RFX6: variants seen among roughly 807,000 people sequenced by gnomAD.
The protein encoded by RFX6 is DNA-binding protein RFX6.
RFX6 carries 50 observed loss-of-function variants against 110.8 expected under a neutral mutation model. That is an observed-to-expected ratio of 0.45 (90% CI 0.36 to 0.57). The LOEUF (loss-of-function observed/expected upper bound fraction) is 0.57, where lower values mean the gene tolerates loss of function less well. Among genes scored for constraint, RFX6 ranks in the 20% least tolerant of loss-of-function variants. RFX6 has a pLI of 0.00. For synonymous variants in RFX6, 383 were observed against 411.2 expected (o/e 0.93, Z 0.83); for missense variants, 990 against 1,127.0 (o/e 0.88, Z 1.74).
chr6:116,892,294 GCTC>G (rs1446180192), intron 4 of RFX6, among the ~76,000 whole-genome samples: 4 of 152,204 alleles, frequency 2.6e-5, no homozygotes, highest in African/African-American at 9.6e-5. Context: ...ACTTTGGGGG[GCTC>G]ATTCTGGCTG....
chr6:116,916,433 T>C, intron 9 of RFX6, 119 bp downstream of exon 9: 1 of 715,724 alleles, frequency 1.4e-6, no homozygotes, highest in Non-Finnish European at 2.5e-6. Context: ...TACACTGTCT[T>C]TTTTTTTGAT....
At chr6:116,906,396 G>GA (rs1241190360) in intron 6 of RFX6, among the ~76,000 whole-genome samples, 1 of 151,992 alleles carries the variant, frequency 6.6e-6, no homozygotes, top group Admixed American at 6.5e-5. Context: ...TTCTTTTTCT[G>GA]AAAAAACTGT....
intron 17 of RFX6, among the ~76,000 whole-genome samples, chr6:116,927,808 A>T (rs1775782110): frequency 7.1e-6 from 1 of 140,148 alleles, no homozygotes; most frequent in South Asian, 2.3e-4. Flanking sequence ...GCTTGGCAGG[A>T]TCATGATTCA....
intron 3 of RFX6, among the ~76,000 whole-genome samples, chr6:116,881,521 T>C (rs575013050): frequency 5.9e-5 from 9 of 152,192 alleles, no homozygotes; most frequent in African/African-American, 2.2e-4. Flanking sequence ...GAGTGTGATA[T>C]TATACATTGT....
chr6:116,920,803 G>A (rs1775579431), intron 12 of RFX6, among the ~76,000 whole-genome samples: 1 of 152,110 alleles, frequency 6.6e-6, no homozygotes, highest in South Asian at 2.1e-4. Context: ...AAAGTCATCT[G>A]TAATTTCATT....
chr6:116,911,435 C>T (rs1775348970), intron 7 of RFX6, among the ~76,000 whole-genome samples: 1 of 152,096 alleles, frequency 6.6e-6, no homozygotes, highest in African/African-American at 2.4e-5. Context: ...GAATCTGTCC[C>T]TAGCACTGAG....
intron 6 of RFX6, among the ~76,000 whole-genome samples, chr6:116,905,853 T>A (rs961580920): frequency 6.6e-6 from 1 of 152,214 alleles, no homozygotes; most frequent in African/African-American, 2.4e-5. Context: ...CTATTTTTTT[T>A]ATGAAGTACA....
intron 14 of RFX6, chr6:116,923,476 G>C: frequency 2.0e-6 from 1 of 496,072 alleles, no homozygotes; most frequent in Non-Finnish European, 3.7e-6. Context: ...TATTCTCTTC[G>C]AAGGGTTGTA....
At position 116,916,331 on chromosome 6, in the gene RFX6, G is replaced by A; in HGVS notation, c.972+17G>A. ...CTTTATAAGGTAAGCACTTTGGGATGTCTTAAACATGAGCCATTTATTTCT... is the reference window on the plus strand; with the variant it reads ...CTTTATAAGGTAAGCACTTTGGGATATCTTAAACATGAGCCATTTATTTCT... On this transcript the variant is annotated intron_variant, in intron 9 of 18. Coordinates refer to ENST00000332958, the MANE Select transcript of RFX6 (RefSeq NM_173560.4). 7.1e-7 allele frequency: 1 copy of A among 1,412,054 alleles called. No homozygotes were observed. The highest frequency in any genetic ancestry group is 1.0e-6 in the Non-Finnish European group (1 of 997,336). 87.5% of individuals were successfully genotyped at this position (1,412,054 alleles called of 1,614,324 possible). A position where few individuals can be genotyped will look rare whatever the true frequency, so the allele number is the denominator to read the frequency against.
At chr6:116,894,800 A>G (rs1562136458) in intron 5 of RFX6, among the ~76,000 whole-genome samples, 2 of 152,106 alleles carry the variant, frequency 1.3e-5, no homozygotes, top group Non-Finnish European at 2.9e-5. Context: ...TCTTGTGGAA[A>G]AAAAAAGTTT....
At chr6:116,891,797 T>C (rs1274648356) in intron 4 of RFX6, among the ~76,000 whole-genome samples, 1 of 152,206 alleles carries the variant, frequency 6.6e-6, no homozygotes. Context: ...CTTTATGACT[T>C]AAGTAAGCTT....
At chr6:116,926,311 A>C (rs1249537888) in intron 16 of RFX6, among the ~76,000 whole-genome samples, 1 of 152,158 alleles carries the variant, frequency 6.6e-6, no homozygotes, top group Non-Finnish European at 1.5e-5. Context: ...AACAAACAAA[A>C]AAACTGGATT....
chr6:116,899,430 T>C (rs1775020383), intron 6 of RFX6, among the ~76,000 whole-genome samples: 1 of 152,072 alleles, frequency 6.6e-6, no homozygotes, highest in African/African-American at 2.4e-5. Context: ...CTGCCACATA[T>C]CAAAATATTA....
intron 4 of RFX6, among the ~76,000 whole-genome samples, chr6:116,889,898 G>A (rs1022846438): frequency 6.6e-6 from 1 of 151,962 alleles, no homozygotes; most frequent in African/African-American, 2.4e-5. Flanking sequence ...TCTAATAAAT[G>A]TTTATTAATT....
intron 3 of RFX6, among the ~76,000 whole-genome samples, chr6:116,880,930 T>G (rs764866733): frequency 2.0e-5 from 3 of 152,068 alleles, no homozygotes; most frequent in Non-Finnish European, 4.4e-5. Context: ...CAAAGAGGGA[T>G]GCATTAAAGT....
chr6:116,885,707 TAA>T (rs1774686537), intron 4 of RFX6, among the ~76,000 whole-genome samples: 1 of 149,820 alleles, frequency 6.7e-6, no homozygotes, highest in Non-Finnish European at 1.5e-5. Context: ...TTTTGACATA[TAA>T]GTTTTATTAA....
chr6:116,925,387 C>T, intron 15 of RFX6, 66 bp from the exon 16 acceptor site: 1 of 1,222,758 alleles, frequency 8.2e-7, no homozygotes, highest in East Asian at 2.3e-5. Flanking sequence ...TTTCTTTTTA[C>T]TTGGGTTTAT....
rs796782274 is a variant in RFX6, at chr6:116,928,820, G to C, written c.2460G>C (p.Gln820His). The change falls in exon 18 of 19, where the codon CAG (glutamine) becomes CAC (histidine). Residue 820 changes from glutamine to histidine, a missense_variant. By Grantham distance (24) the Gln-to-His change is conservative. This residue lies in a region of RFX6 where 438 missense variants were observed against 441.9 expected (regional missense o/e 0.99). Coordinates refer to ENST00000332958, the MANE Select transcript of RFX6 (RefSeq NM_173560.4). ...ESHRLGSMVN[Q>H]HVSVISSIRS... ...ACAGGCTCGGATCAATGGTGAATCA[G>C]CACGTTTCTGTCATCAGCAGCATTC... 1.2e-6 allele frequency: 2 copies of C among 1,613,990 alleles called. No individual in the cohort carries two copies. Among genetic ancestry groups the C allele is most frequent in the Non-Finnish European group, 1.7e-6 (2 of 1,179,896 alleles).
chr6:116,928,708 A>T (rs775925007), intron 17 of RFX6, 51 bp from the exon 18 acceptor site: 3 of 1,337,106 alleles, frequency 2.2e-6, no homozygotes, highest in Non-Finnish European at 1.1e-6. Flanking sequence ...TTCCTTCCTG[A>T]AAGTTCTTTG....
Sources: gnomAD v4.1 joint callset for allele counts (sites outside exome capture counted in the v4.1 genomes callset) on GRCh38, gnomAD v4.1.1 for gene constraint, gnomAD v4.1.1 regional missense constraint, MANE v1.5 for transcripts, NCBI Gene and HGNC (gene_info 2026-07-23, HGNC 2026-07-21) for gene names.